Variants in GAPDHS observed in about 807,000 individuals in gnomAD.
GAPDHS encodes glyceraldehyde-3-phosphate dehydrogenase, testis-specific.
In GAPDHS, 42 loss-of-function variants were observed where a neutral mutation model predicts 48.7. The observed-to-expected ratio is 0.86, with a 90% CI of 0.67 to 1.12. GAPDHS has a LOEUF of 1.12. Ranked by LOEUF, GAPDHS falls within the 50% of genes most tolerant of loss-of-function variation. The pLI, the probability that GAPDHS is intolerant of heterozygous loss-of-function variation, is 0.00. For missense variants in GAPDHS, 512 were observed against 557.7 expected (o/e 0.92, Z 0.82); for synonymous variants, 166 against 219.1 (o/e 0.76, Z 2.14).
In GAPDHS at chr19:35,542,353, G is replaced by A. The variant is rs201479807; in HGVS notation, c.484G>A (p.Gly162Arg). 3.9e-5 allele frequency: 63 copies of A among 1,613,022 alleles called. No individual in the cohort carries two copies. The highest frequency in any genetic ancestry group is 1.6e-4 in the African/African-American group (12 of 74,986). The change falls in exon 5 of 11, where the codon GGG becomes AGG. Residue 162 changes from glycine to arginine, a missense_variant. By Grantham distance (125) the Gly-to-Arg change is moderately radical (BLOSUM62 -2). Transcript: ENST00000222286. ...CAAACAGATCCCCTGGAGGGCTGTC[G>A]GGAGCCCCTACGTGGTGGAGTCCAC... ...EPKQIPWRAV[G>R]SPYVVESTGV... is the part of the protein sequence containing the mutation.
chr19:35,544,038 A>G (rs1342463395), intron 9 of GAPDHS: 1 of 815,628 alleles, frequency 1.2e-6, no homozygotes, highest in Non-Finnish European at 1.8e-6. Flanking sequence ...ACTTCCTCCA[A>G]GTCTCTGGAG....
At chr19:35,540,151 T>G (rs1024097083) in intron 4 of GAPDHS, among the ~76,000 whole-genome samples, 1 of 152,214 alleles carries the variant, frequency 6.6e-6, no homozygotes. Flanking sequence ...CAGCGGTAGC[T>G]GGGAGCACGA....
intron 2 of GAPDHS, 94 bp downstream of exon 2, chr19:35,537,084 C>A: frequency 9.1e-7 from 1 of 1,100,644 alleles, no homozygotes; most frequent in Non-Finnish European, 1.3e-6. Context: ...TTCCCCCCAT[C>A]AATGCTTTCG....
chr19:35,543,939 G>C, intron 9 of GAPDHS, 112 bp downstream of exon 9: 1 of 1,434,158 alleles, frequency 7.0e-7, no homozygotes, highest in African/African-American at 1.4e-5. Flanking sequence ...AGGGCAGGAA[G>C]GGAGATCTCC....
Position 35,545,263 on chromosome 19 carries a change from C to A in GAPDHS, c.*93C>A. The A allele has an allele frequency of 9.6e-7, 1 of 1,037,198 alleles. No homozygotes were observed. Among genetic ancestry groups the A allele is most frequent in the Non-Finnish European group, 1.5e-6 (1 of 660,884 alleles). The allele number at this position is 1,037,198 out of a possible 1,614,324, so 64.2% of individuals were successfully genotyped here. A position where few individuals can be genotyped will look rare whatever the true frequency, so the allele number is the denominator to read the frequency against. On this transcript the variant is annotated 3_prime_UTR_variant, in exon 11 of 11. Transcript: ENST00000222286. The stretch of plus-strand genomic sequence containing the variant: ...TGGCTGCCCGGGGGAGGAAGGACAC[C>A]CGGGGCGGGCGCCCCACGCCGATGG...
intron 4 of GAPDHS, 113 bp from the exon 5 acceptor site, chr19:35,542,206 G>T: frequency 1.4e-6 from 1 of 712,022 alleles, no homozygotes; most frequent in South Asian, 1.6e-5. Flanking sequence ...AGGGGACGCA[G>T]GTGGTTGCAG....
chr19:35,543,197 C>T (rs986980291), intron 7 of GAPDHS, 143 bp from the exon 8 acceptor site: 86 of 1,095,270 alleles, frequency 7.9e-5, no homozygotes, highest in Non-Finnish European at 1.1e-4. Context: ...AGGCTGGACC[C>T]TGGCCTGCAC....
chr19:35,538,445 G>T, intron 3 of GAPDHS, 42 bp downstream of exon 3: 2 of 1,281,090 alleles, frequency 1.6e-6, no homozygotes, highest in South Asian at 2.4e-5. Context: ...GGTGGGACTG[G>T]GGTGGGAAAG....
chr19:35,542,935 G>A lies in GAPDHS; in HGVS notation c.660-10G>A. ...CCTCACAGTGTCCGTGCACACCTTG[G>A]CTGTTTCAGCAACGCGTCCTGCACC... On this transcript the variant is annotated splice_polypyrimidine_tract_variant and intron_variant, in intron 6 of 10. Coordinates refer to ENST00000222286, the MANE Select transcript of GAPDHS (RefSeq NM_014364.5). 6.2e-7 allele frequency: 1 copy of A among 1,611,142 alleles called. No homozygotes were observed. The highest frequency in any genetic ancestry group is 8.5e-7 in the Non-Finnish European group (1 of 1,177,252).
rs13344805 is a variant in GAPDHS at position 35,544,145 on chromosome 19, A to G, written c.1056+318A>G. ...TCATTTCATAGTCACTGTTGGCCCCAGTGGTGTGTGCACTCCAAGAAAACA... is the reference window on the plus strand; with the variant it reads ...TCATTTCATAGTCACTGTTGGCCCCGGTGGTGTGTGCACTCCAAGAAAACA... On this transcript the variant is annotated intron_variant, in intron 9 of 10. Coordinates refer to ENST00000222286, the MANE Select transcript of GAPDHS (RefSeq NM_014364.5). 296 of 287,342 alleles carry G rather than the reference A, an allele frequency of 1.0e-3. 2 individuals carry two copies. The highest frequency in any genetic ancestry group is 5.3e-3 in the African/African-American group (247 of 46,248). The allele number at this position is 287,342 out of a possible 1,614,324, so 17.8% of individuals were successfully genotyped here. A position where few individuals can be genotyped will look rare whatever the true frequency, so the allele number is the denominator to read the frequency against.
In GAPDHS at chr19:35,542,940, T is replaced by C; in HGVS notation, c.660-5T>C. The C allele has an allele frequency of 6.2e-7, 1 of 1,612,958 alleles. No individual in the cohort carries two copies. The highest frequency in any genetic ancestry group is 8.5e-7 in the Non-Finnish European group (1 of 1,178,914). Reference sequence around the variant, plus strand: ...CAGTGTCCGTGCACACCTTGGCTGTTTCAGCAACGCGTCCTGCACCACCAA... The same window carrying C: ...CAGTGTCCGTGCACACCTTGGCTGTCTCAGCAACGCGTCCTGCACCACCAA... On this transcript the variant is annotated splice_polypyrimidine_tract_variant and splice_region_variant and intron_variant, in intron 6 of 10. Transcript: ENST00000222286.
chr19:35,542,702 TCTG>T lies in GAPDHS; in HGVS notation c.659+97_659+99del. 3 of 926,228 alleles carry T rather than the reference TCTG, an allele frequency of 3.2e-6. No homozygotes were observed. The South Asian group carries it at 4.3e-5, about 13-fold the overall frequency. 57.4% of individuals were successfully genotyped at this position (926,228 alleles called of 1,614,324 possible). On this transcript the variant is annotated intron_variant, in intron 6 of 10. Transcript: ENST00000222286. Reference sequence around the variant, plus strand: ...CCACTGGATTCCTGGTCGCTTGGCTTCTGCTTCTCCTTCCCGAAACTATCTGCT... The same window carrying T: ...CCACTGGATTCCTGGTCGCTTGGCTTCTTCTCCTTCCCGAAACTATCTGCT...
chr19:35,538,431 G>A (rs751355181), intron 3 of GAPDHS, 28 bp downstream of exon 3: 2 of 1,289,620 alleles, frequency 1.6e-6, no homozygotes, highest in Non-Finnish European at 2.3e-6. Context: ...GGCAGGAACA[G>A]CAGGGTGGGA....
intron 1 of GAPDHS, among the ~76,000 whole-genome samples, chr19:35,536,039 C>G (rs959929694): frequency 2.0e-5 from 3 of 151,962 alleles, no homozygotes; most frequent in Non-Finnish European, 4.4e-5. Context: ...CACGCCTGGC[C>G]ACTCCGACGA....
chr19:35,538,314 C>A lies in GAPDHS; in HGVS notation c.253C>A (p.Arg85Ser). 1 of 1,612,078 alleles carries A rather than the reference C, an allele frequency of 6.2e-7. No individual in the cohort carries two copies. Among genetic ancestry groups the A allele is most frequent in the South Asian group, 1.1e-5 (1 of 90,792 alleles). ...CTGTCTGTCCCTGGCCAGATTTGGA[C>A]GCATCGGTCGCCTGGTCCTGCGCGC... Reference protein sequence around the residue: ...ELTVGINGFGRIGRLVLRACM... With the variant: ...ELTVGINGFGSIGRLVLRACM... Residue 85 changes from arginine (R) to serine (S), a missense_variant, in exon 3 of 11, where the codon CGC (arginine) becomes AGC (serine). By Grantham distance (110) the Arg-to-Ser change is moderately radical. Transcript: ENST00000222286.
Position 35,544,338 on chromosome 19 carries a change from T to C in GAPDHS, c.1056+511T>C, listed in dbSNP as rs114825442. 558 of 167,122 alleles carry C rather than the reference T, an allele frequency of 3.3e-3. 4 individuals carry two copies. Among genetic ancestry groups the C allele is most frequent in the African/African-American group, 0.013 (527 of 41,840 alleles). 10.4% of individuals were successfully genotyped at this position (167,122 alleles called of 1,614,324 possible). Reference sequence around the variant, plus strand: ...CTGTGAGGAGTGGATGCCATGGTCATGGTGGACCCCTGTACATCCACCTTG... The same window carrying C: ...CTGTGAGGAGTGGATGCCATGGTCACGGTGGACCCCTGTACATCCACCTTG... On this transcript the variant is annotated intron_variant, in intron 9 of 10. Coordinates refer to ENST00000222286, the MANE Select transcript of GAPDHS (RefSeq NM_014364.5).
chr19:35,545,261 AC>A lies in GAPDHS; in HGVS notation c.*94del, dbSNP rs1474769448. The A allele has an allele frequency of 9.2e-7, 1 of 1,090,582 alleles. No homozygotes were observed. Among genetic ancestry groups the A allele is most frequent in the African/African-American group, 1.5e-5 (1 of 64,806 alleles). 67.6% of individuals were successfully genotyped at this position (1,090,582 alleles called of 1,614,324 possible). On this transcript the variant is annotated 3_prime_UTR_variant, in exon 11 of 11. Transcript: ENST00000222286. ...TCTGGCTGCCCGGGGGAGGAAGGAC[AC>A]CCGGGGCGGGCGCCCCACGCCGATG...
chr19:35,534,755 A>C (rs936261199), intron 1 of GAPDHS, among the ~76,000 whole-genome samples: 5 of 152,072 alleles, frequency 3.3e-5, no homozygotes, highest in Non-Finnish European at 7.4e-5. Flanking sequence ...ACCTTCATGA[A>C]CTTGGACAGC....
At chr19:35,537,674 GT>G (rs1281814846) in intron 2 of GAPDHS, among the ~76,000 whole-genome samples, 1 of 152,058 alleles carries the variant, frequency 6.6e-6, no homozygotes, top group East Asian at 1.9e-4. Context: ...GAGACCAGGA[GT>G]TTGAGACCAG....
Sources: gnomAD v4.1 joint callset for allele counts (sites outside exome capture counted in the v4.1 genomes callset) on GRCh38, gnomAD v4.1.1 for gene constraint, MANE v1.5 for transcripts, NCBI Gene and HGNC (gene_info 2026-07-23, HGNC 2026-07-21) for gene names.